The following CNBD2 variants were observed in gnomAD, a reference collection of about 807,000 sequenced individuals.
The protein encoded by CNBD2 is cyclic nucleotide-binding domain-containing protein 2.
A neutral mutation model predicts 63.7 loss-of-function variants in CNBD2; 64 were observed. That is an observed-to-expected ratio of 1.00 (90% CI 0.82 to 1.24). The LOEUF is 1.24. Among genes scored for constraint, CNBD2 ranks in the 50% most tolerant of loss-of-function variants. The pLI is 0.00. For synonymous variants in CNBD2, 229 were observed against 255.4 expected (o/e 0.90, Z 0.99); for missense variants, 691 against 713.5 (o/e 0.97, Z 0.36).
chr20:36,012,863 A>G (rs948147826), intron 10 of CNBD2, among the ~76,000 whole-genome samples: 6 of 151,566 alleles, frequency 4.0e-5, no homozygotes, highest in African/African-American at 1.2e-4. Flanking sequence ...TAAGAAATCC[A>G]TTATGAAAAG....
chr20:36,015,387 A>G (rs1367101254), intron 10 of CNBD2, among the ~76,000 whole-genome samples: 1 of 151,752 alleles, frequency 6.6e-6, no homozygotes, highest in East Asian at 1.9e-4. Context: ...TCATTTGTCT[A>G]TTTTTGCTTT....
chr20:35,959,017 A>T (rs2056284610), downstream of CNBD2: 1 of 152,200 alleles, frequency 6.6e-6, no homozygotes, highest in South Asian at 2.1e-4. Context: ...ATATTTAACC[A>T]TCCATTGAAG....
Position 35,992,995 on chromosome 20 carries a change from T to G in CNBD2, c.856-2043T>G, listed in dbSNP as rs553334683. Among the ~76,000 whole-genome samples, 8 of 152,140 alleles carry G rather than the reference T, an allele frequency of 5.3e-5. No individual in the cohort carries two copies. The East Asian group carries it at 1.5e-3, about 29-fold the overall frequency. On this transcript the variant is annotated intron_variant, in intron 7 of 11. Coordinates refer to ENST00000373973, the MANE Select transcript of CNBD2 (RefSeq NM_001365709.1). ...AGATTTCCTGATGGCATCGAAAACTTAATGCACACTTTCAACTCATTTCTA... is the reference window on the plus strand; with the variant it reads ...AGATTTCCTGATGGCATCGAAAACTGAATGCACACTTTCAACTCATTTCTA...
chr20:36,018,993 A>G (rs6060755), intron 10 of CNBD2, among the ~76,000 whole-genome samples: 40,330 of 152,104 alleles, frequency 0.27, 6,775 homozygotes, highest in African/African-American at 0.46. Flanking sequence ...ACCATGCTCC[A>G]AGCATGGAAC....
rs139530096 is a variant in CNBD2 at position 36,029,585 on chromosome 20, G to A, written c.1440-772G>A. Among the ~76,000 whole-genome samples, 1,336 of 152,312 alleles carry A rather than the reference G, an allele frequency of 8.8e-3. 10 individuals carry two copies. Among genetic ancestry groups the A allele is most frequent in the Non-Finnish European group, 0.014 (986 of 68,026 alleles). On this transcript the variant is annotated intron_variant, in intron 11 of 11. Coordinates refer to ENST00000373973, the MANE Select transcript of CNBD2 (RefSeq NM_001365709.1). ...AGGTGCACACGGTCAGCTTTCATGA[G>A]CGGGTGGCAGCTGGCTTTGTCATAT...
Position 36,030,314 on chromosome 20 carries a change from C to A in CNBD2, c.1440-43C>A. The stretch of plus-strand genomic sequence containing the variant: ...GTGGCAGGAGGCAAGGCTGGAGGGG[C>A]GGGACTGGCATGAGAACCTCGGCTT... On this transcript the variant is annotated intron_variant, in intron 11 of 11. Transcript: ENST00000373973. 1.9e-6 allele frequency: 3 copies of A among 1,596,818 alleles called. No individual in the cohort carries two copies. The South Asian group carries it at 3.3e-5, about 18-fold the overall frequency.
intron 11 of CNBD2, 96 bp downstream of exon 11, chr20:36,023,867 C>T: frequency 9.2e-7 from 1 of 1,088,492 alleles, no homozygotes. Flanking sequence ...ATACCTGTTG[C>T]TGACAAGGGT....
At chr20:35,971,010 G>C (rs1176313064) in intron 1 of CNBD2, among the ~76,000 whole-genome samples, 21 of 148,850 alleles carry the variant, frequency 1.4e-4, no homozygotes, top group Admixed American at 2.7e-4. Flanking sequence ...TGCAGTGGCG[G>C]GATCTCGGCT....
rs546631995 is a variant in CNBD2 at position 36,009,295 on chromosome 20, G to A, written c.1148+821G>A. ...CTGCTCACTGTAAGCTCCGCCTCCCGGGTTCACGCCATTTTCCTGCCTCAG... is the reference window on the plus strand; with the variant it reads ...CTGCTCACTGTAAGCTCCGCCTCCCAGGTTCACGCCATTTTCCTGCCTCAG... On this transcript the variant is annotated intron_variant, in intron 9 of 11. Coordinates refer to ENST00000373973, the MANE Select transcript of CNBD2 (RefSeq NM_001365709.1). Among the ~76,000 whole-genome samples the A allele has an allele frequency of 5.9e-5, 9 of 151,470 alleles. No homozygotes were observed. The East Asian group carries it at 1.2e-3, about 20-fold the overall frequency.
intron 4 of CNBD2, among the ~76,000 whole-genome samples, chr20:35,981,323 A>G (rs1161198701): frequency 6.6e-6 from 1 of 152,122 alleles, no homozygotes; most frequent in Non-Finnish European, 1.5e-5. Context: ...TCTTTACTTC[A>G]GTGAACAGTG....
downstream of CNBD2, among the ~76,000 whole-genome samples, chr20:35,956,361 G>GA (rs1157030246): frequency 6.6e-6 from 1 of 152,044 alleles, no homozygotes; most frequent in African/African-American, 2.4e-5. Context: ...AATTTTTCTT[G>GA]AAAAAACGGA....
chr20:35,993,945 G>T (rs1455705975), intron 7 of CNBD2, among the ~76,000 whole-genome samples: 1 of 148,722 alleles, frequency 6.7e-6, no homozygotes, highest in Non-Finnish European at 1.5e-5. Flanking sequence ...CATGATCTTG[G>T]CTCATGGCAA....
upstream of CNBD2, among the ~76,000 whole-genome samples, chr20:35,965,636 T>C (rs2056340100): frequency 6.6e-6 from 1 of 152,178 alleles, no homozygotes; most frequent in South Asian, 2.1e-4. Context: ...AGTTATAAAA[T>C]CAGGAACTGT....
intron 8 of CNBD2, among the ~76,000 whole-genome samples, chr20:35,998,531 C>T (rs2056856107): frequency 6.6e-6 from 1 of 151,980 alleles, no homozygotes; most frequent in Non-Finnish European, 1.5e-5. Context: ...TAGTATTGGT[C>T]AAGTCATCTG....
At chr20:35,968,105 T>C (rs2056362173), upstream of CNBD2, among the ~76,000 whole-genome samples, 1 of 152,216 alleles carries the variant, frequency 6.6e-6, no homozygotes, top group Non-Finnish European at 1.5e-5. Flanking sequence ...TCTCAGCCTT[T>C]TGGCTGAGAT....
intron 2 of CNBD2, among the ~76,000 whole-genome samples, chr20:35,961,978 G>A (rs1463356576): frequency 6.6e-6 from 1 of 152,126 alleles, no homozygotes; most frequent in East Asian, 1.9e-4. Context: ...TTCTACTGAA[G>A]GTGTTGTGAG....
At chr20:35,994,583 A>G (rs1186835967) in intron 7 of CNBD2, among the ~76,000 whole-genome samples, 1 of 150,806 alleles carries the variant, frequency 6.6e-6, no homozygotes, top group East Asian at 2.0e-4. Flanking sequence ...TTTAAAAAAA[A>G]AAAAAGAAAA....
intron 7 of CNBD2, among the ~76,000 whole-genome samples, 200 bp from the exon 8 acceptor site, chr20:35,994,838 G>A (rs1241370018): frequency 3.3e-5 from 5 of 152,102 alleles, no homozygotes; most frequent in African/African-American, 7.2e-5. Context: ...GCAGTGAGCC[G>A]AGATTGCCCC....
At chr20:35,983,249 G>A (rs528292490) in intron 4 of CNBD2, among the ~76,000 whole-genome samples, 14 of 151,844 alleles carry the variant, frequency 9.2e-5, no homozygotes, top group East Asian at 2.0e-4. Flanking sequence ...ATTAACAGGC[G>A]TGTGCCACCA....
Sources: gnomAD v4.1 joint callset for allele counts (sites outside exome capture counted in the v4.1 genomes callset) on GRCh38, gnomAD v4.1.1 for gene constraint, MANE v1.5 for transcripts, NCBI Gene and HGNC (gene_info 2026-07-23, HGNC 2026-07-21) for gene names.